HCN1: variants seen among roughly 807,000 people sequenced by gnomAD.
HCN1 encodes hyperpolarization activated cyclic nucleotide gated potassium channel 1, also known as potassium/sodium hyperpolarization-activated cyclic nucleotide-gated channel 1.
Under a neutral mutation model 78.9 loss-of-function variants are expected in HCN1, and 13 were observed. That is an observed-to-expected ratio of 0.16 (90% CI 0.11 to 0.26). The LOEUF is 0.26. Ranked by LOEUF, HCN1 falls within the 10% of genes least tolerant of loss-of-function variation. The pLI is 1.00. For missense variants in HCN1, 810 were observed against 1,154.3 expected (o/e 0.70, Z 4.32); for synonymous variants, 552 against 455.5 (o/e 1.21, Z -2.70).
chr5:45,349,145 T>G (rs1314234116), intron 5 of HCN1, among the ~76,000 whole-genome samples: 2 of 152,218 alleles, frequency 1.3e-5, no homozygotes, highest in South Asian at 2.1e-4. Context: ...TCAGCAAATG[T>G]AAAAGAACAG....
chr5:45,300,135 T>C (rs963679997), intron 6 of HCN1, among the ~76,000 whole-genome samples: 6 of 152,074 alleles, frequency 3.9e-5, no homozygotes, highest in Non-Finnish European at 7.4e-5. Context: ...ACAAAACATA[T>C]GTCGACTTCA....
intron 6 of HCN1, among the ~76,000 whole-genome samples, chr5:45,277,781 G>C (rs1181315352): frequency 1.3e-5 from 2 of 152,134 alleles, no homozygotes; most frequent in African/African-American, 4.8e-5. Context: ...GATCTGGCTG[G>C]AGAACTCTTT....
chr5:45,664,765 G>A (rs1429420247), intron 1 of HCN1, among the ~76,000 whole-genome samples: 2 of 151,962 alleles, frequency 1.3e-5, no homozygotes, highest in Admixed American at 1.3e-4. Flanking sequence ...TCTCACACTA[G>A]TTAGAATGGC....
At chr5:45,394,638 A>G (rs1739649555) in intron 4 of HCN1, among the ~76,000 whole-genome samples, 1 of 152,074 alleles carries the variant, frequency 6.6e-6, no homozygotes, top group Admixed American at 6.6e-5. Flanking sequence ...TGGTTTGTAG[A>G]CCTAAAATTT....
intron 5 of HCN1, among the ~76,000 whole-genome samples, chr5:45,309,684 T>A (rs1465415167): frequency 1.3e-5 from 2 of 152,208 alleles, no homozygotes; most frequent in African/African-American, 4.8e-5. Context: ...TTTGTGTATG[T>A]TGAACCGACC....
chr5:45,651,296 C>A (rs1745671421), intron 1 of HCN1, among the ~76,000 whole-genome samples: 1 of 151,984 alleles, frequency 6.6e-6, no homozygotes, highest in Non-Finnish European at 1.5e-5. Context: ...GGCTGATATA[C>A]AGCCATAGTG....
intron 5 of HCN1, among the ~76,000 whole-genome samples, chr5:45,316,018 C>T (rs971350241): frequency 1.1e-4 from 16 of 152,212 alleles, no homozygotes; most frequent in African/African-American, 1.7e-4. Context: ...CCTTCTGAAA[C>T]TATTCCAATC....
intron 2 of HCN1, chr5:45,575,519 T>C (rs963025892): frequency 1.3e-5 from 2 of 152,144 alleles, no homozygotes; most frequent in South Asian, 4.1e-4. Context: ...GGCACATGTA[T>C]GCATATGTAA....
In HCN1 at chr5:45,470,485, A is replaced by T. The variant is rs192627303; in HGVS notation, c.850-8478T>A. Among the ~76,000 whole-genome samples the T allele has an allele frequency of 3.1e-4, 47 of 152,022 alleles. 1 individual carries two copies. In the East Asian group the frequency reaches 7.0e-3, roughly 23 times the overall value. On this transcript the variant is annotated intron_variant, in intron 2 of 7. Coordinates refer to ENST00000303230, the MANE Select transcript of HCN1 (RefSeq NM_021072.4). ...CCAAGAAACAATTGAGTAAGACTTG[A>T]TCTACTGGAAAATGGCATGATTTCA...
At chr5:45,682,792 T>C (rs1186822661) in intron 1 of HCN1, among the ~76,000 whole-genome samples, 1 of 152,032 alleles carries the variant, frequency 6.6e-6, no homozygotes, top group Non-Finnish European at 1.5e-5. Flanking sequence ...ATATGAGAAA[T>C]AGATGATAAC....
chr5:45,637,309 T>G (rs1158581854), intron 2 of HCN1, among the ~76,000 whole-genome samples: 1 of 152,122 alleles, frequency 6.6e-6, no homozygotes, highest in Non-Finnish European at 1.5e-5. Flanking sequence ...AATACTGGAT[T>G]CAAGACATTG....
At chr5:45,301,615 G>C (rs1297157051) in intron 6 of HCN1, among the ~76,000 whole-genome samples, 1 of 151,290 alleles carries the variant, frequency 6.6e-6, no homozygotes, top group African/African-American at 2.4e-5. Flanking sequence ...CCAGCTACTA[G>C]GGAGGCTGAG....
intron 1 of HCN1, among the ~76,000 whole-genome samples, chr5:45,666,907 C>G (rs1295066121): frequency 6.6e-6 from 1 of 151,622 alleles, no homozygotes; most frequent in East Asian, 1.9e-4. Context: ...TGGAAGATAT[C>G]CAGAAAAAAT....
chr5:45,349,916 T>C (rs970862063), intron 5 of HCN1, among the ~76,000 whole-genome samples: 1 of 152,090 alleles, frequency 6.6e-6, no homozygotes, highest in Non-Finnish European at 1.5e-5. Context: ...CAGGACCAGA[T>C]GGATTCACAG....
chr5:45,457,973 C>T (rs1467475923), intron 3 of HCN1, among the ~76,000 whole-genome samples: 3 of 152,082 alleles, frequency 2.0e-5, no homozygotes, highest in Non-Finnish European at 2.9e-5. Context: ...TAAACCATAG[C>T]ACCTGCGACG....
chr5:45,483,280 T>C (rs1230695016), intron 2 of HCN1, among the ~76,000 whole-genome samples: 7 of 152,186 alleles, frequency 4.6e-5, no homozygotes, highest in Admixed American at 2.6e-4. Context: ...TTTTGTTTTC[T>C]GACTTTCTAA....
intron 3 of HCN1, among the ~76,000 whole-genome samples, chr5:45,456,193 C>T (rs1446924659): frequency 2.0e-5 from 3 of 151,744 alleles, no homozygotes; most frequent in Non-Finnish European, 4.4e-5. Context: ...AGTATGTCCA[C>T]GAGTTCTAAA....
intron 2 of HCN1, 193 bp downstream of exon 2, chr5:45,644,992 A>T: frequency 1.8e-6 from 1 of 559,744 alleles, no homozygotes; most frequent in Middle Eastern, 4.7e-4. Context: ...TTTTCAGTTC[A>T]TTCAAATCCA....
chr5:45,614,299 C>A (rs1744900338), intron 2 of HCN1, among the ~76,000 whole-genome samples: 1 of 152,152 alleles, frequency 6.6e-6, no homozygotes, highest in Admixed American at 6.6e-5. Flanking sequence ...ATTTATCCGT[C>A]TGTCTCCTAA....
Sources: gnomAD v4.1 joint callset for allele counts (sites outside exome capture counted in the v4.1 genomes callset) on GRCh38, gnomAD v4.1.1 for gene constraint, MANE v1.5 for transcripts, NCBI Gene and HGNC (gene_info 2026-07-23, HGNC 2026-07-21) for gene names.